The following ADTRP variants were observed in gnomAD, a reference collection of about 807,000 sequenced individuals.
The protein encoded by ADTRP is androgen-dependent TFPI-regulating protein.
ADTRP carries 20 observed loss-of-function variants against 27.0 expected under a neutral mutation model. The observed-to-expected ratio is 0.74, with a 90% CI of 0.52 to 1.08. The LOEUF (loss-of-function observed/expected upper bound fraction) is 1.08. ADTRP is among the 50% of genes least tolerant of loss of function. The pLI is 0.00. For missense variants in ADTRP, 251 were observed against 275.0 expected (o/e 0.91, Z 0.62); for synonymous variants, 101 against 105.2 (o/e 0.96, Z 0.25).
chr6:11,715,648 C>CTTTT (rs55815652), intron 5 of ADTRP, among the ~76,000 whole-genome samples: 16 of 121,136 alleles, frequency 1.3e-4, no homozygotes, highest in African/African-American at 5.2e-4. Flanking sequence ...CTGTTTTTCC[C>CTTTT]TTTTTTTTTT....
chr6:11,760,073 G>C (rs748862572), intron 3 of ADTRP, among the ~76,000 whole-genome samples: 1 of 152,144 alleles, frequency 6.6e-6, no homozygotes, highest in South Asian at 2.1e-4. Context: ...ACCTCCAAAC[G>C]TTAAGATAAC....
chr6:11,717,311 G>A, intron 5 of ADTRP: 1 of 1,304,120 alleles, frequency 7.7e-7, no homozygotes. Context: ...TATTTCACCT[G>A]ATATTCTTGA....
At chr6:11,760,348 T>A (rs1176280767) in intron 3 of ADTRP, among the ~76,000 whole-genome samples, 4 of 152,006 alleles carry the variant, frequency 2.6e-5, no homozygotes, top group Non-Finnish European at 1.5e-5. Flanking sequence ...TCTTACAAGG[T>A]CATCATATTC....
In ADTRP at chr6:11,727,722, A is replaced by G. The variant is rs210900; in HGVS notation, c.507-4222T>C. On this transcript the variant is annotated intron_variant, in intron 4 of 5. Transcript: ENST00000414691. ...GTACTTTCACAGATAAAGTGTAAGG[A>G]AAGTTATAGGTGTGGTACCTGACAG... Among the ~76,000 whole-genome samples the G allele has an allele frequency of 6.8e-3, 1,042 of 152,242 alleles. 30 individuals are homozygous for G. The highest frequency in any genetic ancestry group is 0.045 in the Admixed American group (684 of 15,286).
chr6:11,763,724 G>T (rs1299065332), intron 3 of ADTRP, among the ~76,000 whole-genome samples: 2 of 152,210 alleles, frequency 1.3e-5, no homozygotes, highest in African/African-American at 2.4e-5. Flanking sequence ...ACTTGGCAGA[G>T]AACATTCCTT....
chr6:11,721,251 A>G (rs1453307416), intron 5 of ADTRP, among the ~76,000 whole-genome samples: 2 of 152,200 alleles, frequency 1.3e-5, no homozygotes, highest in African/African-American at 2.4e-5. Flanking sequence ...GTAAGAAACA[A>G]CATCAACGTG....
intron 1 of ADTRP, among the ~76,000 whole-genome samples, chr6:11,774,632 CAG>C (rs1426298043): frequency 6.6e-6 from 1 of 151,540 alleles, no homozygotes; most frequent in African/African-American, 2.4e-5. Flanking sequence ...AAGGGGGTGT[CAG>C]GGGCGTGGGG....
intron 5 of ADTRP, among the ~76,000 whole-genome samples, chr6:11,719,726 A>G (rs1021547552): frequency 6.6e-6 from 1 of 152,208 alleles, no homozygotes; most frequent in East Asian, 1.9e-4. Flanking sequence ...CTAGCCTCCA[A>G]TAGCCTGACC....
At chr6:11,738,603 G>A (rs1258229368) in intron 3 of ADTRP, 1 of 152,194 alleles carries the variant, frequency 6.6e-6, no homozygotes, top group African/African-American at 2.4e-5. Context: ...CTACATTAAC[G>A]ATCATTTGGA....
intron 3 of ADTRP, among the ~76,000 whole-genome samples, chr6:11,750,563 T>C (rs1418331640): frequency 1.3e-5 from 2 of 152,258 alleles, no homozygotes; most frequent in Non-Finnish European, 2.9e-5. Context: ...AATCACGTTA[T>C]GATCAAGAGC....
intron 3 of ADTRP, among the ~76,000 whole-genome samples, chr6:11,763,201 C>T (rs1347195813): frequency 6.6e-6 from 1 of 152,192 alleles, no homozygotes; most frequent in Non-Finnish European, 1.5e-5. Flanking sequence ...AGTCCTGCTG[C>T]AATGACAAGT....
At chr6:11,765,695 G>A (rs1763550645) in intron 3 of ADTRP, among the ~76,000 whole-genome samples, 1 of 151,636 alleles carries the variant, frequency 6.6e-6, no homozygotes, top group Non-Finnish European at 1.5e-5. Flanking sequence ...GCTTGTTTGG[G>A]TCCCTGTTAC....
chr6:11,746,694 G>C (rs1395380798), intron 3 of ADTRP, among the ~76,000 whole-genome samples: 1 of 152,174 alleles, frequency 6.6e-6, no homozygotes, highest in African/African-American at 2.4e-5. Context: ...GGAGAGATGT[G>C]TCCAATGTTG....
At chr6:11,761,039 C>T (rs2113315174) in intron 3 of ADTRP, among the ~76,000 whole-genome samples, 1 of 152,302 alleles carries the variant, frequency 6.6e-6, no homozygotes, top group South Asian at 2.1e-4. Context: ...TCTGAACCAG[C>T]CATGCTGGTC....
At chr6:11,719,816 G>A (rs1337149423) in intron 5 of ADTRP, among the ~76,000 whole-genome samples, 1 of 152,182 alleles carries the variant, frequency 6.6e-6, no homozygotes, top group Non-Finnish European at 1.5e-5. Context: ...TTAATCACTT[G>A]CAGCTGGGAA....
At chr6:11,778,284 G>C (rs946341018) in intron 1 of ADTRP, among the ~76,000 whole-genome samples, 1 of 152,134 alleles carries the variant, frequency 6.6e-6, no homozygotes, top group African/African-American at 2.4e-5. Context: ...AATGCCTCCT[G>C]CATTTGTAGT....
intron 3 of ADTRP, among the ~76,000 whole-genome samples, chr6:11,740,840 G>T (rs975462111): frequency 1.3e-5 from 2 of 152,092 alleles, no homozygotes; most frequent in African/African-American, 4.8e-5. Context: ...ATACAGTTTT[G>T]CTTTAAGTAA....
chr6:11,755,460 G>A (rs374634647), intron 3 of ADTRP, among the ~76,000 whole-genome samples: 9 of 152,316 alleles, frequency 5.9e-5, no homozygotes, highest in African/African-American at 2.2e-4. Flanking sequence ...CAAACACAGT[G>A]AGTGCCTGGT....
intron 3 of ADTRP, among the ~76,000 whole-genome samples, chr6:11,743,442 A>T (rs1762777574): frequency 6.6e-6 from 1 of 151,914 alleles, no homozygotes; most frequent in South Asian, 2.1e-4. Flanking sequence ...TTCCTCTCTC[A>T]CTGTGGATAC....
Sources: gnomAD v4.1 joint callset for allele counts (sites outside exome capture counted in the v4.1 genomes callset) on GRCh38, gnomAD v4.1.1 for gene constraint, MANE v1.5 for transcripts, NCBI Gene and HGNC (gene_info 2026-07-23, HGNC 2026-07-21) for gene names.